FOXP4: variants seen among roughly 807,000 people sequenced by gnomAD.
The protein encoded by FOXP4 is forkhead box protein P4.
In FOXP4, 25 loss-of-function variants were observed where a neutral mutation model predicts 82.6. The ratio of observed to expected loss-of-function variants is 0.30; its 90% CI spans 0.22 to 0.42. The LOEUF (loss-of-function observed/expected upper bound fraction) is 0.42, where lower values mean the gene tolerates loss of function less well. Among genes scored for constraint, FOXP4 ranks in the 10% least tolerant of loss-of-function variants. The pLI is 1.00. For missense variants in FOXP4, 785 were observed against 900.9 expected, an observed-to-expected ratio of 0.87 and a Z score of 1.65; for synonymous variants, 415 against 388.2, an observed-to-expected ratio of 1.07 and a Z score of -0.81.
Position 41,595,838 on chromosome 6 carries a change from A to G in FOXP4, c.1658+847A>G, listed in dbSNP as rs191783106. Among the ~76,000 whole-genome samples the G allele has an allele frequency of 4.6e-5, 7 of 152,258 alleles. No homozygotes were observed. In the East Asian group the frequency reaches 1.4e-3, roughly 29 times the overall value. On this transcript the variant is annotated intron_variant, in intron 14 of 16. Transcript: ENST00000307972. ...AGGCTGGTCTCGAATTCCCAACTTC[A>G]GGTGATCCACCTGCCTTGGCCTCCC... is the stretch of plus-strand genomic sequence containing the variant.
In FOXP4 at chr6:41,600,160, A is replaced by C. The variant is rs1259955063; in HGVS notation, c.*1224A>C. On this transcript the variant is annotated 3_prime_UTR_variant, in exon 17 of 17. Transcript: ENST00000307972. ...GAGGACCCTGGGGCTCAGTGGAGGC[A>C]GGGCCCTGCCCCCCTCCCTTCCGCT... is the stretch of plus-strand genomic sequence containing the variant. 6.6e-6 allele frequency: 1 copy of C among 152,478 alleles called. No homozygotes were observed. Among genetic ancestry groups the C allele is most frequent in the Non-Finnish European group, 1.5e-5 (1 of 68,080 alleles). The allele number at this position is 152,478 out of a possible 1,614,324, so 9.4% of individuals were successfully genotyped here.
chr6:41,585,005 C>T (rs937881297), intron 4 of FOXP4, 114 bp downstream of exon 4: 10 of 1,363,390 alleles, frequency 7.3e-6, no homozygotes, highest in South Asian at 3.0e-5. Context: ...AGAGACTGCT[C>T]AGGCCAGACT....
rs988399313 is a variant in FOXP4 at position 41,555,940 on chromosome 6, CT to C, written c.-17+9080del. 4.6e-5 allele frequency among the ~76,000 whole-genome samples: 7 copies of C among 152,160 alleles called. No individual in the cohort carries two copies. The South Asian group carries it at 1.0e-3, about 23-fold the overall frequency. ...TGGAGTGGGATCTTTGGTTCTCTTTCTTTTTTTCCCCCTGTATTGTTAATTC... is the reference window on the plus strand; with the variant it reads ...TGGAGTGGGATCTTTGGTTCTCTTTCTTTTTTCCCCCTGTATTGTTAATTC... On this transcript the variant is annotated intron_variant, in intron 1 of 16. Transcript: ENST00000307972.
intron 1 of FOXP4, among the ~76,000 whole-genome samples, chr6:41,565,508 C>T (rs892119110): frequency 6.6e-6 from 1 of 152,188 alleles, no homozygotes; most frequent in Non-Finnish European, 1.5e-5. Context: ...CACCCCAGCA[C>T]GAGGTCTCCT....
At position 41,594,847 on chromosome 6, in the gene FOXP4, GCTC is replaced by G. The variant is rs747609369; in HGVS notation, c.1537-19_1537-17del. 11 of 1,613,396 alleles carry G rather than the reference GCTC, an allele frequency of 6.8e-6. No individual in the cohort carries two copies. Among genetic ancestry groups the G allele is most frequent in the Non-Finnish European group, 9.3e-6 (11 of 1,179,938 alleles). ...GCTTGGCCAAGCAAGCCGCCTCTGA[GCTC>G]CTCTTCACTGCACCCACAGAACGCC... On this transcript the variant is annotated intron_variant, in intron 13 of 16. Transcript: ENST00000307972.
intron 13 of FOXP4, among the ~76,000 whole-genome samples, chr6:41,594,166 T>C (rs913098202): frequency 1.1e-4 from 17 of 152,356 alleles, no homozygotes; most frequent in African/African-American, 4.1e-4. Flanking sequence ...CTTGAAGTTA[T>C]CCTGCCAGGA....
intron 2 of FOXP4, among the ~76,000 whole-genome samples, chr6:41,569,781 G>A (rs1314179612): frequency 1.2e-4 from 18 of 152,264 alleles, no homozygotes; most frequent in Admixed American, 8.5e-4. Context: ...GTTGCCTAGC[G>A]TCTGGGAACT....
chr6:41,574,067 C>T (rs1388060372), intron 2 of FOXP4, among the ~76,000 whole-genome samples: 2 of 152,178 alleles, frequency 1.3e-5, no homozygotes, highest in Non-Finnish European at 2.9e-5. Context: ...GGTATCTGAA[C>T]ACCTTTCTCA....
At chr6:41,550,048 C>T (rs555345003) in intron 1 of FOXP4, among the ~76,000 whole-genome samples, 6 of 152,192 alleles carry the variant, frequency 3.9e-5, no homozygotes, top group Non-Finnish European at 5.9e-5. Context: ...TAGACCAAGG[C>T]AGGGCAGGTA....
rs906585220 is a variant in FOXP4 at position 41,587,778 on chromosome 6, C to T, written c.873-15C>T. ...TCAGGGTCCCTGATCGGCCACCTCC[C>T]TGCTGTCCTCCCAGCTCTTCCCACG... On this transcript the variant is annotated splice_polypyrimidine_tract_variant and intron_variant, in intron 7 of 16. Transcript: ENST00000307972. 1.3e-5 allele frequency: 20 copies of T among 1,537,142 alleles called. No homozygotes were observed. The highest frequency in any genetic ancestry group is 1.7e-5 in the Non-Finnish European group (19 of 1,133,610).
intron 5 of FOXP4, 84 bp from the exon 6 acceptor site, chr6:41,586,925 G>A (rs1766165053): frequency 6.8e-7 from 1 of 1,475,900 alleles, no homozygotes. Context: ...GCCCTGGGAG[G>A]GGGTGGCCGC....
At chr6:41,587,927 C>T in intron 8 of FOXP4, 30 bp downstream of exon 8, 1 of 1,273,856 alleles carries the variant, frequency 7.9e-7, no homozygotes, top group Non-Finnish European at 1.1e-6. Context: ...CCTCCCCCAG[C>T]AGCCTTTCCC....
In FOXP4 at chr6:41,600,367, AAGTC is replaced by A. The variant is rs1051265174; in HGVS notation, c.*1434_*1437del. The A allele has an allele frequency of 7.9e-5, 12 of 152,630 alleles. No homozygotes were observed. Among genetic ancestry groups the A allele is most frequent in the South Asian group, 2.1e-4 (1 of 4,838 alleles). The allele number at this position is 152,630 out of a possible 1,614,324, so 9.5% of individuals were successfully genotyped here. A position where few individuals can be genotyped will look rare whatever the true frequency, so the allele number is the denominator to read the frequency against. On this transcript the variant is annotated 3_prime_UTR_variant, in exon 17 of 17. Transcript: ENST00000307972. Reference sequence around the variant, plus strand: ...GGATTCTAGCAAAAGAGCTGGAAAAAAGTCAGACTCTCCACAGACCCCCTATGGG... The same window carrying A: ...GGATTCTAGCAAAAGAGCTGGAAAAAAGACTCTCCACAGACCCCCTATGGG...
Position 41,589,762 on chromosome 6 carries a change from C to T in FOXP4, c.1066-9C>T. ...TCCCGCTCACCTCCTGCTTTGCCAC[C>T]CTCCACAGCTCGCCAAGGAGAGCGA... On this transcript the variant is annotated splice_polypyrimidine_tract_variant and intron_variant, in intron 9 of 16. Transcript: ENST00000307972. 1 of 1,610,442 alleles carries T rather than the reference C, an allele frequency of 6.2e-7. No homozygotes were observed. Among genetic ancestry groups the T allele is most frequent in the Non-Finnish European group, 8.5e-7 (1 of 1,179,542 alleles).
chr6:41,567,718 G>A (rs1458844402), intron 2 of FOXP4, among the ~76,000 whole-genome samples: 1 of 152,202 alleles, frequency 6.6e-6, no homozygotes, highest in Non-Finnish European at 1.5e-5. Context: ...TTTAGGGTGG[G>A]GAAAGACAGA....
At position 41,598,174 on chromosome 6, in the gene FOXP4, C is replaced by G. The variant is rs1581797022; in HGVS notation, c.1895+224C>G. Among the ~76,000 whole-genome samples the G allele has an allele frequency of 1.3e-5, 2 of 150,924 alleles. 1 individual carries two copies. Among genetic ancestry groups the G allele is most frequent in the East Asian group, 3.9e-4 (2 of 5,110 alleles). ...CCTCCCCACCTTCCCACCTTCTCCTCCCCATTTTCCCCCTTTCTTATTTTT... is the reference window on the plus strand; with the variant it reads ...CCTCCCCACCTTCCCACCTTCTCCTGCCCATTTTCCCCCTTTCTTATTTTT... On this transcript the variant is annotated intron_variant, in intron 16 of 16. Transcript: ENST00000307972.
At chr6:41,580,746 C>A (rs539860331) in intron 3 of FOXP4, among the ~76,000 whole-genome samples, 1 of 152,060 alleles carries the variant, frequency 6.6e-6, no homozygotes, top group Non-Finnish European at 1.5e-5. Context: ...GCTCCCCACC[C>A]GAGCAGAAGA....
At chr6:41,562,922 AG>A (rs1764669732) in intron 1 of FOXP4, among the ~76,000 whole-genome samples, 1 of 152,152 alleles carries the variant, frequency 6.6e-6, no homozygotes, top group Non-Finnish European at 1.5e-5. Context: ...TGCTGTGGCA[AG>A]TGGAGGATGG....
chr6:41,588,836 G>T, intron 9 of FOXP4, 105 bp downstream of exon 9: 2 of 1,234,622 alleles, frequency 1.6e-6, no homozygotes, highest in Non-Finnish European at 2.4e-6. Context: ...CTCATGGAAG[G>T]GTCCTATGGT....
Sources: allele counts gnomAD v4.1 joint callset (sites outside exome capture counted in the v4.1 genomes callset), GRCh38; gene constraint gnomAD v4.1.1; transcripts MANE v1.5; gene names NCBI Gene and HGNC (gene_info 2026-07-23, HGNC 2026-07-21).